Variants in PRC1 observed in about 807,000 individuals in gnomAD.
PRC1 encodes anaphase spindle elongation 1 homolog.
Under a neutral mutation model 91.2 loss-of-function variants are expected in PRC1, and 54 were observed. That is an observed-to-expected ratio of 0.59 (90% CI 0.48 to 0.74). The LOEUF (loss-of-function observed/expected upper bound fraction) is 0.74, where lower values mean the gene tolerates loss of function less well. Among genes scored for constraint, PRC1 ranks in the 30% least tolerant of loss-of-function variants. PRC1 has a pLI of 0.00. For missense variants in PRC1, 727 were observed against 746.2 expected (o/e 0.97, Z 0.30); for synonymous variants, 275 against 263.6 (o/e 1.04, Z -0.42).
Position 90,984,714 on chromosome 15 carries a change from C to G in PRC1, c.123G>C (p.Glu41Asp). Reference protein sequence around the residue: ...IPEDQRLQRTEVVKKHIKELL... With the variant: ...IPEDQRLQRTDVVKKHIKELL... ...CCACCTTGATATGCTTCTTTACCAC[C>G]TCAGTTCTTTGTAACCGCTGGTCCT... Residue 41 changes from glutamate (E) to aspartate (D), a missense_variant, in exon 2 of 15, where the codon GAG (glutamate) becomes GAC (aspartate). By Grantham distance (45) the Glu-to-Asp change is conservative. Coordinates refer to ENST00000394249, the MANE Select transcript of PRC1 (RefSeq NM_003981.4). The surrounding 1 kb of genome is among the most constrained non-coding windows in gnomAD (Gnocchi z 5.1). 6.2e-7 allele frequency: 1 copy of G among 1,614,216 alleles called. No homozygotes were observed. The highest frequency in any genetic ancestry group is 8.5e-7 in the Non-Finnish European group (1 of 1,180,028).
chr15:90,969,894 G>T (rs1195742297), intron 12 of PRC1, among the ~76,000 whole-genome samples: 1 of 151,244 alleles, frequency 6.6e-6, no homozygotes, highest in Non-Finnish European at 1.5e-5. Flanking sequence ...ACCAGCCTGG[G>T]CAACATAGCA....
intron 14 of PRC1, chr15:90,967,791 G>T (rs1304974256): frequency 1.1e-6 from 1 of 949,970 alleles, no homozygotes; most frequent in African/African-American, 1.8e-5. Context: ...CAATGAAATT[G>T]CCCCACATTC....
Position 90,969,516 on chromosome 15 carries a change from G to T in PRC1, c.1680C>A (p.Tyr560Ter), listed in dbSNP as rs1270869135. The change falls in exon 13 of 15, where the codon TAC (tyrosine) becomes TAA (stop). Residue 560 changes from tyrosine (Y) to a stop codon, truncating the protein, a stop_gained. Transcript: ENST00000394249. LOFTEE classifies it high-confidence loss of function. Reference sequence around the variant, plus strand: ...TGCGCTGGAGGGGGGCCGAGCCAGGGTACCCACCACTCAGGATGCTGCCGT... The same window carrying T: ...TGCGCTGGAGGGGGGCCGAGCCAGGTTACCCACCACTCAGGATGCTGCCGT... ...ELNGSILSGG[Y>*]PGSAPLQRNF... The T allele has an allele frequency of 2.5e-6, 4 of 1,613,364 alleles. No homozygotes were observed. In the Admixed American group the frequency reaches 5.0e-5, roughly 20 times the overall value.
chr15:90,991,846 C>A (rs116673816), intron 1 of PRC1, among the ~76,000 whole-genome samples: 2 of 152,140 alleles, frequency 1.3e-5, no homozygotes, highest in African/African-American at 4.8e-5. Flanking sequence ...CCATTGTCAA[C>A]ACAGGAGCCC....
intron 3 of PRC1, 78 bp from the exon 4 acceptor site, chr15:90,982,059 C>A: frequency 7.6e-7 from 1 of 1,318,144 alleles, no homozygotes; most frequent in Non-Finnish European, 1.1e-6. Flanking sequence ...CATAAGAAGG[C>A]GTGGATGACA....
chr15:90,969,397 C>G, intron 13 of PRC1, 50 bp downstream of exon 13: 1 of 1,546,844 alleles, frequency 6.5e-7, no homozygotes, highest in Non-Finnish European at 8.8e-7. Flanking sequence ...CCACTCTGCC[C>G]CAACTGTGTG....
intron 3 of PRC1, 155 bp downstream of exon 3, chr15:90,983,863 C>CT: frequency 5.1e-6 from 5 of 989,240 alleles, no homozygotes; most frequent in Non-Finnish European, 7.2e-6. Flanking sequence ...AATTACTCTG[C>CT]TGGGCCTAAT....
chr15:90,990,129 A>C (rs2039877043), intron 1 of PRC1, among the ~76,000 whole-genome samples: 1 of 152,010 alleles, frequency 6.6e-6, no homozygotes, highest in Non-Finnish European at 1.5e-5. Flanking sequence ...CGAGGTCAGG[A>C]GTTTGAGACC....
intron 14 of PRC1, chr15:90,967,987 T>G (rs941621902): frequency 1.0e-6 from 1 of 985,134 alleles, no homozygotes; most frequent in African/African-American, 1.7e-5. Flanking sequence ...GATCTCATGC[T>G]GGAGCACATG....
At chr15:90,973,998 ATTTC>A in intron 11 of PRC1, 134 bp downstream of exon 11, 2 of 696,302 alleles carry the variant, frequency 2.9e-6, no homozygotes, top group Non-Finnish European at 4.9e-6. Context: ...TTTGTGTCTT[ATTTC>A]TTTTCTCTGT....
intron 1 of PRC1, among the ~76,000 whole-genome samples, chr15:90,991,614 A>G (rs1166259851): frequency 2.0e-5 from 3 of 151,828 alleles, no homozygotes; most frequent in Admixed American, 6.6e-5. Flanking sequence ...TACTGAACTT[A>G]ATTTTTTTTT....
In PRC1 at chr15:90,980,652, T is replaced by C. The variant is rs1307900926; in HGVS notation, c.822+232A>G. Reference sequence around the variant, plus strand: ...CTCCTGTCTCAGCCTCCCAAGTAGCTGGGATTACAGGCGCACGCCACTACC... The same window carrying C: ...CTCCTGTCTCAGCCTCCCAAGTAGCCGGGATTACAGGCGCACGCCACTACC... On this transcript the variant is annotated intron_variant, in intron 6 of 14. Coordinates refer to ENST00000394249, the MANE Select transcript of PRC1 (RefSeq NM_003981.4). 3 of 684,608 alleles carry C rather than the reference T, an allele frequency of 4.4e-6. No homozygotes were observed. In the African/African-American group the frequency reaches 5.4e-5, roughly 12 times the overall value. 42.4% of individuals were successfully genotyped at this position (684,608 alleles called of 1,614,324 possible).
chr15:90,969,762 A>C (rs1252186777), intron 12 of PRC1, 139 bp from the exon 13 acceptor site: 77 of 174,680 alleles, frequency 4.4e-4, no homozygotes, highest in Middle Eastern at 1.6e-3. Context: ...TAAAAAAAAA[A>C]CATATATATA....
At position 90,980,380 on chromosome 15, in the gene PRC1, C is replaced by G; in HGVS notation, c.832G>C (p.Glu278Gln). 1 of 1,613,188 alleles carries G rather than the reference C, an allele frequency of 6.2e-7. No homozygotes were observed. The highest frequency in any genetic ancestry group is 1.1e-5 in the South Asian group (1 of 90,862). The change falls in exon 7 of 15, where the codon GAA becomes CAA. Residue 278 changes from glutamate (E) to glutamine (Q), a missense_variant. Physicochemically the swap from Glu to Gln is conservative, Grantham distance 29. Transcript: ENST00000394249. The part of the protein sequence containing the change: ...KAKVRKALQL[E>Q]VDRLEELKMQ... ...TTCAGTTCTTCCAACCGATCCACTTCTAATTGCAGCTGAAAGAAAGAAACT... is the reference window on the plus strand; with the variant it reads ...TTCAGTTCTTCCAACCGATCCACTTGTAATTGCAGCTGAAAGAAAGAAACT...
chr15:90,987,149 C>T (rs77332486), intron 1 of PRC1, among the ~76,000 whole-genome samples: 5,711 of 150,380 alleles, frequency 0.038, 157 homozygotes, highest in Non-Finnish European at 0.055. Context: ...GGCACGGTGA[C>T]GTATGCCTAT....
chr15:90,967,738 G>C (rs1181053545), intron 14 of PRC1: 2 of 748,738 alleles, frequency 2.7e-6, no homozygotes, highest in Admixed American at 6.0e-5. Context: ...TAGGTGTGTA[G>C]GCTGTTCTGT....
chr15:90,966,232 C>T lies in PRC1; in HGVS notation c.*899G>A. On this transcript the variant is annotated 3_prime_UTR_variant, in exon 15 of 15. Transcript: ENST00000394249. The stretch of plus-strand genomic sequence containing the variant: ...GACAGCGGAAGAATAAATAATAGTG[C>T]TTCAAGAAGAGTAGTGATTGAGAGG... 1 of 208,264 alleles carries T rather than the reference C, an allele frequency of 4.8e-6. No individual in the cohort carries two copies. The highest frequency in any genetic ancestry group is 5.4e-5 in the Admixed American group (1 of 18,434). The allele number at this position is 208,264 out of a possible 1,614,324, so 12.9% of individuals were successfully genotyped here. A position where few individuals can be genotyped will look rare whatever the true frequency, so the allele number is the denominator to read the frequency against.
chr15:90,987,456 T>C (rs569532706), intron 1 of PRC1, among the ~76,000 whole-genome samples: 3 of 152,340 alleles, frequency 2.0e-5, no homozygotes, highest in Non-Finnish European at 4.4e-5. Context: ...TTTCTGAATG[T>C]ATGTTATTCT....
intron 1 of PRC1, among the ~76,000 whole-genome samples, chr15:90,991,064 A>G (rs112553294): frequency 0.32 from 47,841 of 151,036 alleles, 9,701 homozygotes; most frequent in African/African-American, 0.56. Context: ...GGCGTGAGCC[A>G]CTGTGCCCGG....
Sources: allele counts gnomAD v4.1 joint callset (sites outside exome capture counted in the v4.1 genomes callset), GRCh38; gene constraint gnomAD v4.1.1; non-coding constraint Gnocchi (gnomAD v3.1); transcripts MANE v1.5; gene names NCBI Gene and HGNC (gene_info 2026-07-23, HGNC 2026-07-21).